Variants in C9orf153 observed in about 807,000 individuals in gnomAD.
The protein encoded by C9orf153 is uncharacterized protein C9orf153.
In C9orf153, 10 loss-of-function variants were observed where a neutral mutation model predicts 9.0. The ratio of observed to expected loss-of-function variants is 1.11; its 90% CI spans 0.69 to 1.89. The LOEUF (loss-of-function observed/expected upper bound fraction) is 1.89, where lower values mean the gene tolerates loss of function less well. Ranked by LOEUF, C9orf153 falls within the 40% of genes most tolerant of loss-of-function variation. The pLI is 0.00. For synonymous variants in C9orf153, 35 were observed against 37.3 expected (o/e 0.94, Z 0.23); for missense variants, 108 against 111.0 (o/e 0.97, Z 0.12).
chr9:86,249,548 CTTT>C (rs369850072), intron 1 of C9orf153, among the ~76,000 whole-genome samples: 7 of 128,386 alleles, frequency 5.5e-5, no homozygotes, highest in Non-Finnish European at 8.4e-5. Flanking sequence ...CGTCTCCCAC[CTTT>C]TTTTTTTTTT....
intron 1 of C9orf153, among the ~76,000 whole-genome samples, chr9:86,258,170 TG>T (rs1825165266): frequency 1.3e-5 from 2 of 151,962 alleles, no homozygotes; most frequent in African/African-American, 4.8e-5. Flanking sequence ...GGTGAAACCC[TG>T]TCTCTACTAA....
intron 1 of C9orf153, among the ~76,000 whole-genome samples, chr9:86,254,047 C>A (rs765162139): frequency 6.9e-6 from 1 of 144,500 alleles, no homozygotes; most frequent in Admixed American, 7.2e-5. Flanking sequence ...GCCGAGATTG[C>A]GCCATTGCAC....
chr9:86,249,221 T>G (rs2131202792), intron 1 of C9orf153, among the ~76,000 whole-genome samples: 1 of 152,316 alleles, frequency 6.6e-6, no homozygotes, highest in East Asian at 1.9e-4. Flanking sequence ...TAAAACTAAA[T>G]TACAACCAAG....
intron 3 of C9orf153, among the ~76,000 whole-genome samples, chr9:86,224,080 T>C (rs1824265437): frequency 6.6e-6 from 1 of 151,930 alleles, no homozygotes; most frequent in East Asian, 1.9e-4. Flanking sequence ...CATAGCAAGA[T>C]ACCATCTCAA....
intron 1 of C9orf153, among the ~76,000 whole-genome samples, chr9:86,251,791 T>C (rs530687486): frequency 6.6e-6 from 1 of 152,254 alleles, no homozygotes; most frequent in South Asian, 2.1e-4. Flanking sequence ...TATCAGGTTT[T>C]ATTAGTTTTA....
chr9:86,221,499 A>T lies in C9orf153; in HGVS notation c.*189T>A. 7.4e-7 allele frequency: 1 copy of T among 1,351,754 alleles called. No individual in the cohort carries two copies. Among genetic ancestry groups the T allele is most frequent in the Non-Finnish European group, 9.5e-7 (1 of 1,051,936 alleles). The allele number at this position is 1,351,754 out of a possible 1,614,324, so 83.7% of individuals were successfully genotyped here. A position where few individuals can be genotyped will look rare whatever the true frequency, so the allele number is the denominator to read the frequency against. On this transcript the variant is annotated 3_prime_UTR_variant, in exon 4 of 4. Transcript: ENST00000339137. ...CGTCCAAAATATTTTAATACACTAC[A>T]TATTCCATTTAAGAGAATAACTTCC...
Position 86,220,614 on chromosome 9 carries a change from C to G in C9orf153, c.*1074G>C, listed in dbSNP as rs377466161. On this transcript the variant is annotated 3_prime_UTR_variant, in exon 4 of 4. Transcript: ENST00000339137. ...CTTTGTATGTAATCCATCTCTCTTT[C>G]GTAGATTATATTTTCCTTTACTGCT... is the stretch of plus-strand genomic sequence containing the variant. 3.9e-5 allele frequency: 6 copies of G among 152,170 alleles called. No homozygotes were observed. The highest frequency in any genetic ancestry group is 1.4e-4 in the African/African-American group (6 of 41,532). 9.4% of individuals were successfully genotyped at this position (152,170 alleles called of 1,614,324 possible). A position where few individuals can be genotyped will look rare whatever the true frequency, so the allele number is the denominator to read the frequency against.
chr9:86,220,368 A>G lies in C9orf153; in HGVS notation c.*1320T>C, dbSNP rs1824170227. ...TCCCTCTGGGTTCTTACTAAAATAC[A>G]TACTTTATTAGTAGTTTTTTTTAAG... On this transcript the variant is annotated 3_prime_UTR_variant, in exon 4 of 4. Transcript: ENST00000339137. 1 of 152,194 alleles carries G rather than the reference A, an allele frequency of 6.6e-6. No homozygotes were observed. Among genetic ancestry groups the G allele is most frequent in the South Asian group, 2.1e-4 (1 of 4,834 alleles). The allele number at this position is 152,194 out of a possible 1,614,324, so 9.4% of individuals were successfully genotyped here.
intron 3 of C9orf153, 76 bp from the exon 4 acceptor site, chr9:86,221,809 A>C: frequency 1.0e-6 from 1 of 1,002,778 alleles, no homozygotes; most frequent in Non-Finnish European, 1.5e-6. Flanking sequence ...TGCTTCATGG[A>C]CAGGGTAAAC....
At chr9:86,256,738 G>T (rs1429300039) in intron 1 of C9orf153, among the ~76,000 whole-genome samples, 1 of 152,124 alleles carries the variant, frequency 6.6e-6, no homozygotes, top group East Asian at 1.9e-4. Flanking sequence ...TTCTTCTATT[G>T]CCTATAGTTT....
Position 86,225,433 on chromosome 9 carries a change from CCTTCCT to C in C9orf153, c.242+2416_242+2421del, listed in dbSNP as rs1563996696. ...TCTCTCCTTCCTTCCTTCCTTCCTT[CCTTCCT>C]TCCTTCCTCTCTTTCTCTCTTTCTT... is the stretch of plus-strand genomic sequence containing the variant. On this transcript the variant is annotated intron_variant, in intron 3 of 3. Coordinates refer to ENST00000339137, the MANE Select transcript of C9orf153 (RefSeq NM_001276366.4). 2.8e-5 allele frequency among the ~76,000 whole-genome samples: 4 copies of C among 143,958 alleles called. No individual in the cohort carries two copies. In the East Asian group the frequency reaches 8.0e-4, roughly 29 times the overall value. 94.4% of individuals were successfully genotyped at this position (143,958 alleles called of 152,430 possible).
intron 1 of C9orf153, among the ~76,000 whole-genome samples, chr9:86,229,986 C>A (rs1824434254): frequency 6.6e-6 from 1 of 152,064 alleles, no homozygotes. Context: ...CACTTTTAAA[C>A]AACCGGGTCT....
At chr9:86,241,083 T>TA (rs1824733716) in intron 1 of C9orf153, among the ~76,000 whole-genome samples, 1 of 152,154 alleles carries the variant, frequency 6.6e-6, no homozygotes, top group African/African-American at 2.4e-5. Flanking sequence ...GTAACCTATA[T>TA]ATTGAGCTTA....
At chr9:86,249,905 A>G (rs1219176235) in intron 1 of C9orf153, among the ~76,000 whole-genome samples, 1 of 152,200 alleles carries the variant, frequency 6.6e-6, no homozygotes, top group Non-Finnish European at 1.5e-5. Flanking sequence ...AGGCAGATCG[A>G]TAGGAGAAAT....
chr9:86,240,982 C>G (rs528675717), intron 1 of C9orf153, among the ~76,000 whole-genome samples: 1 of 152,280 alleles, frequency 6.6e-6, no homozygotes, highest in South Asian at 2.1e-4. Flanking sequence ...GCTGGGATCA[C>G]AGGCGTGAGC....
At chr9:86,232,553 G>A (rs1182804995) in intron 1 of C9orf153, among the ~76,000 whole-genome samples, 3 of 152,028 alleles carry the variant, frequency 2.0e-5, no homozygotes, top group Non-Finnish European at 4.4e-5. Flanking sequence ...GTACTGTGAA[G>A]AGCAAGGGCG....
intron 1 of C9orf153, among the ~76,000 whole-genome samples, chr9:86,248,812 C>T (rs1824926946): frequency 6.6e-6 from 1 of 152,168 alleles, no homozygotes; most frequent in Admixed American, 6.5e-5. Flanking sequence ...GGTCAACCTT[C>T]TCATCAAGGA....
chr9:86,259,485 T>G (rs1825200389), intron 1 of C9orf153, 65 bp downstream of exon 1: 1 of 152,314 alleles, frequency 6.6e-6, no homozygotes, highest in South Asian at 2.1e-4. Context: ...AAGCCTAGAC[T>G]GGCTTAGTTT....
intron 1 of C9orf153, among the ~76,000 whole-genome samples, chr9:86,242,944 G>A (rs1484724738): frequency 1.3e-5 from 2 of 152,230 alleles, no homozygotes; most frequent in East Asian, 3.8e-4. Flanking sequence ...CTCCCAAAGT[G>A]TTGGGATTAC....
Sources: gnomAD v4.1 joint callset for allele counts (sites outside exome capture counted in the v4.1 genomes callset) on GRCh38, gnomAD v4.1.1 for gene constraint, MANE v1.5 for transcripts, NCBI Gene and HGNC (gene_info 2026-07-23, HGNC 2026-07-21) for gene names.